Variants in MRPL10 observed in about 807,000 individuals in gnomAD.
The protein encoded by MRPL10 is mitochondrial ribosomal protein L10.
A neutral mutation model predicts 19.8 loss-of-function variants in MRPL10; 14 were observed. That is an observed-to-expected ratio of 0.71 (90% CI 0.47 to 1.11). The LOEUF (loss-of-function observed/expected upper bound fraction) is 1.11, where lower values mean the gene tolerates loss of function less well. Among genes scored for constraint, MRPL10 ranks in the 50% least tolerant of loss-of-function variants. The pLI is 0.00. For missense variants in MRPL10, 318 were observed against 339.6 expected, an observed-to-expected ratio of 0.94 and a Z score of 0.50; for synonymous variants, 129 against 139.2, an observed-to-expected ratio of 0.93 and a Z score of 0.52.
chr17:47,824,106 C>A lies in MRPL10; in HGVS notation c.*99G>T. 1.3e-6 allele frequency: 2 copies of A among 1,519,752 alleles called. No individual in the cohort carries two copies. Among genetic ancestry groups the A allele is most frequent in the Admixed American group, 1.7e-5 (1 of 57,172 alleles). The allele number at this position is 1,519,752 out of a possible 1,614,324, so 94.1% of individuals were successfully genotyped here. A position where few individuals can be genotyped will look rare whatever the true frequency, so the allele number is the denominator to read the frequency against. ...TTACTAGTGAAAACCAAGTGACAAA[C>A]ACACTCCCCGACCCCAAGTTCTTCC... On this transcript the variant is annotated 3_prime_UTR_variant, in exon 5 of 5. Transcript: ENST00000351111.
chr17:47,823,564 G>A lies in MRPL10; in HGVS notation c.*641C>T, dbSNP rs921040405. 1 of 153,460 alleles carries A rather than the reference G, an allele frequency of 6.5e-6. No individual in the cohort carries two copies. The highest frequency in any genetic ancestry group is 1.5e-5 in the Non-Finnish European group (1 of 68,792). The allele number at this position is 153,460 out of a possible 1,614,324, so 9.5% of individuals were successfully genotyped here. On this transcript the variant is annotated 3_prime_UTR_variant, in exon 5 of 5. Coordinates refer to ENST00000351111, the MANE Select transcript of MRPL10 (RefSeq NM_145255.4). The stretch of plus-strand genomic sequence containing the variant: ...CCAAGCACACCTGGATGGTGGATGG[G>A]ACCCACTTCTGGGTAACCTGATGAG...
chr17:47,827,267 C>T (rs1185599463), intron 2 of MRPL10, 63 bp from the exon 3 acceptor site: 1 of 1,491,790 alleles, frequency 6.7e-7, no homozygotes, highest in East Asian at 2.3e-5. Flanking sequence ...AACGTTGCTC[C>T]CTCTGTGGTA....
chr17:47,827,559 T>C (rs2033553675), intron 2 of MRPL10, among the ~76,000 whole-genome samples: 1 of 152,222 alleles, frequency 6.6e-6, no homozygotes, highest in South Asian at 2.1e-4. Context: ...TGTTGAATTA[T>C]TTTGCCAATC....
chr17:47,824,008 G>C lies in MRPL10; in HGVS notation c.*197C>G, dbSNP rs2033485994. The C allele has an allele frequency of 2.9e-6, 2 of 678,754 alleles. No individual in the cohort carries two copies. The highest frequency in any genetic ancestry group is 4.9e-6 in the Non-Finnish European group (2 of 408,674). 42.0% of individuals were successfully genotyped at this position (678,754 alleles called of 1,614,324 possible). A position where few individuals can be genotyped will look rare whatever the true frequency, so the allele number is the denominator to read the frequency against. ...TCACGTCCCAAGTTGGGAAAACTAAGGACGAAGCCGGTGACTGACATCTGA... is the reference window on the plus strand; with the variant it reads ...TCACGTCCCAAGTTGGGAAAACTAACGACGAAGCCGGTGACTGACATCTGA... On this transcript the variant is annotated 3_prime_UTR_variant, in exon 5 of 5. Transcript: ENST00000351111.
At chr17:47,831,186 A>G in intron 1 of MRPL10, 4 of 777,630 alleles carry the variant, frequency 5.1e-6, no homozygotes, top group Non-Finnish European at 7.7e-6. Context: ...TCAAGGGAAG[A>G]CCTGAGGTGA....
intron 2 of MRPL10, among the ~76,000 whole-genome samples, chr17:47,827,944 C>A (rs1017361730): frequency 4.1e-5 from 6 of 147,034 alleles, no homozygotes; most frequent in African/African-American, 7.6e-5. Flanking sequence ...GTGGCTCATG[C>A]CTGCAATCCC....
chr17:47,825,655 T>C (rs2033520561), intron 4 of MRPL10, among the ~76,000 whole-genome samples: 1 of 152,042 alleles, frequency 6.6e-6, no homozygotes, highest in African/African-American at 2.4e-5. Context: ...CGGGGAACTA[T>C]TGTTTAATGG....
At chr17:47,830,076 C>A (rs1248941459) in intron 1 of MRPL10, among the ~76,000 whole-genome samples, 1 of 152,090 alleles carries the variant, frequency 6.6e-6, no homozygotes, top group Non-Finnish European at 1.5e-5. Context: ...TCTAACAAGC[C>A]CTCCTGGTGA....
At chr17:47,826,449 C>CT (rs2033534029) in intron 4 of MRPL10, among the ~76,000 whole-genome samples, 188 bp downstream of exon 4, 1 of 152,204 alleles carries the variant, frequency 6.6e-6, no homozygotes, top group Non-Finnish European at 1.5e-5. Context: ...GCAGAAGTGA[C>CT]CTGGGGTAGT....
At position 47,824,184 on chromosome 17, in the gene MRPL10, A is replaced by G. The variant is rs2033489680; in HGVS notation, c.*21T>C. Reference sequence around the variant, plus strand: ...AATAACGCAGAGTGTATTTATGCGCAGGGCTGGCTAAACAGGCTGGCTACG... The same window carrying G: ...AATAACGCAGAGTGTATTTATGCGCGGGGCTGGCTAAACAGGCTGGCTACG... On this transcript the variant is annotated 3_prime_UTR_variant, in exon 5 of 5. Coordinates refer to ENST00000351111, the MANE Select transcript of MRPL10 (RefSeq NM_145255.4). 6.2e-7 allele frequency: 1 copy of G among 1,614,054 alleles called. No individual in the cohort carries two copies. Among genetic ancestry groups the G allele is most frequent in the Non-Finnish European group, 8.5e-7 (1 of 1,180,024 alleles).
At chr17:47,825,111 C>T (rs2033511194) in intron 4 of MRPL10, among the ~76,000 whole-genome samples, 1 of 151,096 alleles carries the variant, frequency 6.6e-6, no homozygotes, top group South Asian at 2.1e-4. Flanking sequence ...GGTGGATCAC[C>T]TGAGGTCAGG....
rs1341565298 is a variant in MRPL10 at position 47,824,468 on chromosome 17, C to A, written c.533-10G>T. On this transcript the variant is annotated splice_polypyrimidine_tract_variant and intron_variant, in intron 4 of 4. Transcript: ENST00000351111. ...TCATCAATGCAGCCACCTGGAAGAA[C>A]ACAGGGTCAGTTAGGCTCCTTGCAG... 3 of 1,524,618 alleles carry A rather than the reference C, an allele frequency of 2.0e-6. No individual in the cohort carries two copies. The allele number at this position is 1,524,618 out of a possible 1,614,324, so 94.4% of individuals were successfully genotyped here. A position where few individuals can be genotyped will look rare whatever the true frequency, so the allele number is the denominator to read the frequency against.
At chr17:47,828,094 T>C (rs1168295744) in intron 2 of MRPL10, among the ~76,000 whole-genome samples, 1 of 150,548 alleles carries the variant, frequency 6.6e-6, no homozygotes, top group African/African-American at 2.5e-5. Flanking sequence ...TCCCAGCTAC[T>C]CAGGAGGCTG....
In MRPL10 at chr17:47,831,473, G is replaced by A; in HGVS notation, c.39C>T (p.Leu13=). The A allele has an allele frequency of 4.5e-6, 7 of 1,549,020 alleles. No homozygotes were observed. Among genetic ancestry groups the A allele is most frequent in the South Asian group, 1.2e-5 (1 of 84,014 alleles). Residue 13 remains leucine, a synonymous_variant, in exon 1 of 5, where the codon CTC becomes CTT. Coordinates refer to ENST00000351111, the MANE Select transcript of MRPL10 (RefSeq NM_145255.4). ...AAVAGMLRGG[L]LPQAGRLPTL... The stretch of plus-strand genomic sequence containing the variant: ...GCCACTCCTTACCCGCCTGGGGCAG[G>A]AGACCCCCTCGCAGCATCCCCGCCA...
chr17:47,827,043 G>A lies in MRPL10; in HGVS notation c.384C>T (p.Asn128=), dbSNP rs1567950157. The change falls in exon 3 of 5, where the codon AAC becomes AAT. Residue 128 remains asparagine (N), a synonymous_variant. Transcript: ENST00000351111. ...KHKILMKVFP[N]QVLKPFLEDS... ...TGCCAAGGGGCCTGCTCCCTACCTG[G>A]TTGGGGAAGACCTTCATCAGGATCT... 12 of 1,610,326 alleles carry A rather than the reference G, an allele frequency of 7.5e-6. No homozygotes were observed. Among genetic ancestry groups the A allele is most frequent in the South Asian group, 1.1e-5 (1 of 90,558 alleles).
intron 2 of MRPL10, 29 bp from the exon 3 acceptor site, chr17:47,827,233 A>C: frequency 6.4e-7 from 1 of 1,573,768 alleles, no homozygotes; most frequent in Non-Finnish European, 8.6e-7. Flanking sequence ...GACCAAGGGT[A>C]CATCAGCTGC....
intron 4 of MRPL10, among the ~76,000 whole-genome samples, chr17:47,825,979 A>T (rs2033525427): frequency 7.5e-6 from 1 of 132,732 alleles, no homozygotes; most frequent in Non-Finnish European, 1.7e-5. Context: ...TCTCTACTAA[A>T]AATACGAAAA....
At chr17:47,827,892 C>CAAA (rs2033559447) in intron 2 of MRPL10, among the ~76,000 whole-genome samples, 1 of 3,962 alleles carries the variant, frequency 2.5e-4, no homozygotes, top group African/African-American at 8.8e-4. Flanking sequence ...GACTCTGTCT[C>CAAA]ACAAAAAAAA....
intron 1 of MRPL10, among the ~76,000 whole-genome samples, chr17:47,829,858 C>T (rs989741532): frequency 7.3e-5 from 11 of 150,172 alleles, no homozygotes; most frequent in African/African-American, 1.5e-4. Context: ...CATTGCACTC[C>T]GGCACTCCGG....
Sources: gnomAD v4.1 joint callset for allele counts (sites outside exome capture counted in the v4.1 genomes callset) on GRCh38, gnomAD v4.1.1 for gene constraint, MANE v1.5 for transcripts, NCBI Gene and HGNC (gene_info 2026-07-23, HGNC 2026-07-21) for gene names.